RAB10: variants seen among roughly 807,000 people sequenced by gnomAD.
RAB10 encodes the protein RAB10, member RAS oncogene family, also known as ras-related protein Rab-10.
In RAB10, 5 loss-of-function variants were observed where a neutral mutation model predicts 25.7. The ratio of observed to expected loss-of-function variants is 0.19; its 90% CI spans 0.10 to 0.41. The LOEUF (loss-of-function observed/expected upper bound fraction) is 0.41, where lower values mean the gene tolerates loss of function less well. RAB10 is among the 10% of genes least tolerant of loss of function. The pLI, the probability that RAB10 is intolerant of heterozygous loss-of-function variation, is 1.00. For synonymous variants in RAB10, 89 were observed against 86.4 expected (o/e 1.03, Z -0.16); for missense variants, 103 against 245.8 (o/e 0.42, Z 3.89).
At chr2:26,077,984 AAAT>A (rs1559586503) in intron 1 of RAB10, among the ~76,000 whole-genome samples, 2 of 152,194 alleles carry the variant, frequency 1.3e-5, no homozygotes, top group Non-Finnish European at 2.9e-5. Flanking sequence ...GTCTAAAAAA[AAAT>A]AAATAAAAAA....
At chr2:26,104,369 G>A (rs1452696416) in intron 2 of RAB10, among the ~76,000 whole-genome samples, 1 of 152,088 alleles carries the variant, frequency 6.6e-6, no homozygotes, top group Non-Finnish European at 1.5e-5. Flanking sequence ...TTGGCTATTT[G>A]TGTATCTTCT....
intron 3 of RAB10, among the ~76,000 whole-genome samples, chr2:26,111,958 G>A (rs1481967742): frequency 6.6e-6 from 1 of 152,190 alleles, no homozygotes; most frequent in African/African-American, 2.4e-5. Flanking sequence ...TGCCAACAAT[G>A]CCACTCCATG....
intron 1 of RAB10, among the ~76,000 whole-genome samples, chr2:26,050,044 G>T (rs1240166903): frequency 1.3e-5 from 2 of 152,154 alleles, no homozygotes; most frequent in Non-Finnish European, 2.9e-5. Context: ...CACAATTAAT[G>T]CCTTGGGAAT....
rs184393903 is a variant in RAB10, at chr2:26,117,569, C to T, written c.327+7663C>T. Among the ~76,000 whole-genome samples, 876 of 146,076 alleles carry T rather than the reference C, an allele frequency of 6.0e-3. 6 individuals carry two copies. The highest frequency in any genetic ancestry group is 0.021 in the African/African-American group (821 of 39,310). Reference sequence around the variant, plus strand: ...GGCGGAGCTTGCAGTGAGCCAAGGTCGTGCCACTGCACTCCGCTCCAGACT... The same window carrying T: ...GGCGGAGCTTGCAGTGAGCCAAGGTTGTGCCACTGCACTCCGCTCCAGACT... On this transcript the variant is annotated intron_variant, in intron 3 of 5. Coordinates refer to ENST00000264710, the MANE Select transcript of RAB10 (RefSeq NM_016131.5).
At chr2:26,086,966 G>T (rs1559589218) in intron 1 of RAB10, among the ~76,000 whole-genome samples, 1 of 152,194 alleles carries the variant, frequency 6.6e-6, no homozygotes, top group Non-Finnish European at 1.5e-5. Flanking sequence ...AGGGACTGGA[G>T]GGGAGGGGAG....
intron 1 of RAB10, among the ~76,000 whole-genome samples, chr2:26,095,886 G>T (rs1667201259): frequency 6.6e-6 from 1 of 152,186 alleles, no homozygotes; most frequent in African/African-American, 2.4e-5. Flanking sequence ...CTCCATCCTG[G>T]GTGACAGAGC....
At chr2:26,059,954 G>A (rs773381220) in intron 1 of RAB10, among the ~76,000 whole-genome samples, 1 of 152,118 alleles carries the variant, frequency 6.6e-6, no homozygotes, top group Non-Finnish European at 1.5e-5. Context: ...AATATTAAAA[G>A]ATTGTCATAA....
chr2:26,038,565 G>A (rs1665815418), intron 1 of RAB10, among the ~76,000 whole-genome samples: 1 of 152,104 alleles, frequency 6.6e-6, no homozygotes, highest in South Asian at 2.1e-4. Flanking sequence ...AGTGTAAGTT[G>A]AGAAAATAAA....
At chr2:26,063,921 C>G (rs983525139) in intron 1 of RAB10, among the ~76,000 whole-genome samples, 2 of 152,126 alleles carry the variant, frequency 1.3e-5, no homozygotes, top group African/African-American at 4.8e-5. Context: ...CTTCAGCTGC[C>G]CAAGCAGCTG....
At chr2:26,066,511 A>T (rs973873573) in intron 1 of RAB10, among the ~76,000 whole-genome samples, 1 of 152,106 alleles carries the variant, frequency 6.6e-6, no homozygotes, top group Non-Finnish European at 1.5e-5. Context: ...GGTTTGATTG[A>T]CTCACAGTTC....
At chr2:26,072,547 AG>A (rs1308504348) in intron 1 of RAB10, among the ~76,000 whole-genome samples, 1 of 152,156 alleles carries the variant, frequency 6.6e-6, no homozygotes, top group Non-Finnish European at 1.5e-5. Context: ...ATGCAAAAAA[AG>A]AAGAAAAAAA....
At chr2:26,111,139 G>A (rs1667560017) in intron 3 of RAB10, among the ~76,000 whole-genome samples, 1 of 152,158 alleles carries the variant, frequency 6.6e-6, no homozygotes, top group Non-Finnish European at 1.5e-5. Context: ...TTTGTTAACA[G>A]TAACTCTTTG....
intron 1 of RAB10, among the ~76,000 whole-genome samples, chr2:26,066,847 A>G (rs960281947): frequency 2.7e-5 from 4 of 147,744 alleles, no homozygotes; most frequent in Admixed American, 1.4e-4. Flanking sequence ...CGGTGGCACA[A>G]TCTCGGCTCA....
intron 1 of RAB10, among the ~76,000 whole-genome samples, chr2:26,046,026 TAAGAA>T (rs1307517846): frequency 1.3e-5 from 2 of 152,142 alleles, no homozygotes; most frequent in African/African-American, 4.8e-5. Flanking sequence ...ATTTGGACTG[TAAGAA>T]AAGGAATTTG....
chr2:26,118,187 A>G (rs1667730981), intron 3 of RAB10, among the ~76,000 whole-genome samples: 1 of 152,128 alleles, frequency 6.6e-6, no homozygotes, highest in South Asian at 2.1e-4. Context: ...TGGTCAGGCC[A>G]GTCTCGAACT....
At position 26,053,814 on chromosome 2, in the gene RAB10, G is replaced by C. The variant is rs1287807634; in HGVS notation, c.127+19079G>C. Reference sequence around the variant, plus strand: ...GGCTCACTGCAACTTCTGCCTTCCGGGTTCAAGCGATTCTCCTGCCTCAGC... The same window carrying C: ...GGCTCACTGCAACTTCTGCCTTCCGCGTTCAAGCGATTCTCCTGCCTCAGC... On this transcript the variant is annotated intron_variant, in intron 1 of 5. Transcript: ENST00000264710. Among the ~76,000 whole-genome samples the C allele has an allele frequency of 2.6e-5, 4 of 151,948 alleles. No homozygotes were observed. The East Asian group carries it at 5.8e-4, about 22-fold the overall frequency.
chr2:26,065,013 G>A (rs1320086478), intron 1 of RAB10, among the ~76,000 whole-genome samples: 3 of 152,162 alleles, frequency 2.0e-5, no homozygotes, highest in African/African-American at 4.8e-5. Flanking sequence ...AGCTCTGATC[G>A]CGCCACTGCA....
chr2:26,042,797 A>C (rs896655252), intron 1 of RAB10: 2 of 152,286 alleles, frequency 1.3e-5, no homozygotes, highest in African/African-American at 4.8e-5. Flanking sequence ...AAAAAAAAAA[A>C]ACCTCTGTAG....
intron 1 of RAB10, among the ~76,000 whole-genome samples, chr2:26,065,974 T>C (rs1279465931): frequency 1.3e-5 from 2 of 152,248 alleles, no homozygotes; most frequent in Non-Finnish European, 2.9e-5. Context: ...AACCAATATT[T>C]GTATTCTCAT....
Sources: gnomAD v4.1 joint callset for allele counts (sites outside exome capture counted in the v4.1 genomes callset) on GRCh38, gnomAD v4.1.1 for gene constraint, MANE v1.5 for transcripts, NCBI Gene and HGNC (gene_info 2026-07-23, HGNC 2026-07-21) for gene names.